Variants in IFT80 observed in about 807,000 individuals in gnomAD.
IFT80 encodes intraflagellar transport 80, also known as intraflagellar transport protein 80 homolog.
Under a neutral mutation model 107.9 loss-of-function variants are expected in IFT80, and 79 were observed. The observed-to-expected ratio is 0.73, with a 90% CI of 0.61 to 0.88. The LOEUF (loss-of-function observed/expected upper bound fraction) is 0.88. IFT80 is among the 40% of genes least tolerant of loss of function. The pLI, the probability that IFT80 is intolerant of heterozygous loss-of-function variation, is 0.00. For synonymous variants in IFT80, 299 were observed against 300.9 expected, an observed-to-expected ratio of 0.99 and a Z score of 0.07; for missense variants, 797 against 914.2, an observed-to-expected ratio of 0.87 and a Z score of 1.65.
chr3:160,385,621 C>A (rs886211536), intron 1 of IFT80, among the ~76,000 whole-genome samples: 1 of 152,230 alleles, frequency 6.6e-6, no homozygotes, highest in Non-Finnish European at 1.5e-5. Flanking sequence ...ACTCTTTTCA[C>A]TTCTTTCTCT....
chr3:160,319,289 T>C (rs1445608028), intron 9 of IFT80, among the ~76,000 whole-genome samples: 1 of 152,074 alleles, frequency 6.6e-6, no homozygotes, highest in Non-Finnish European at 1.5e-5. Flanking sequence ...AAGAACTTCC[T>C]ATACCATTTT....
At chr3:160,397,336 T>C (rs1713855778) in intron 1 of IFT80, among the ~76,000 whole-genome samples, 1 of 152,214 alleles carries the variant, frequency 6.6e-6, no homozygotes. Context: ...ATTCCTTGGC[T>C]CAGAATTGTT....
chr3:160,354,319 T>C (rs1286025453), intron 8 of IFT80, among the ~76,000 whole-genome samples: 1 of 152,046 alleles, frequency 6.6e-6, no homozygotes, highest in Non-Finnish European at 1.5e-5. Flanking sequence ...GAAGGCATGA[T>C]CAAAGGAAGT....
At chr3:160,353,500 G>A (rs899172326) in intron 8 of IFT80, among the ~76,000 whole-genome samples, 2 of 152,142 alleles carry the variant, frequency 1.3e-5, no homozygotes, top group Non-Finnish European at 2.9e-5. Flanking sequence ...TTATCTCCTG[G>A]TATTATGCCA....
At chr3:160,283,576 A>G (rs892114014) in intron 13 of IFT80, among the ~76,000 whole-genome samples, 6 of 152,224 alleles carry the variant, frequency 3.9e-5, no homozygotes, top group African/African-American at 1.4e-4. Context: ...ATTTGGTTTC[A>G]TATATATCAA....
At chr3:160,377,948 T>A (rs186479593) in intron 3 of IFT80, 2 of 154,380 alleles carry the variant, frequency 1.3e-5, no homozygotes, top group East Asian at 3.8e-4. Context: ...TTAATAATCA[T>A]TCGTAAACCA....
intron 15 of IFT80, among the ~76,000 whole-genome samples, chr3:160,280,285 T>C (rs1162726030): frequency 6.6e-6 from 1 of 152,192 alleles, no homozygotes; most frequent in African/African-American, 2.4e-5. Context: ...GACATTTACA[T>C]TCTTGAAAGT....
chr3:160,354,473 C>A (rs1433109220), intron 8 of IFT80, among the ~76,000 whole-genome samples: 4 of 151,840 alleles, frequency 2.6e-5, no homozygotes, highest in Non-Finnish European at 5.9e-5. Flanking sequence ...CACAGTGAAA[C>A]CCCGTCTCCG....
chr3:160,288,595 C>T (rs1236339593), intron 12 of IFT80, among the ~76,000 whole-genome samples: 2 of 151,930 alleles, frequency 1.3e-5, no homozygotes, highest in Non-Finnish European at 2.9e-5. Flanking sequence ...GTGCATCTGA[C>T]AAAAGTCTAA....
In IFT80 at chr3:160,319,675, T is replaced by A. The variant is rs770113647; in HGVS notation, c.957+85A>T. ...GAATTTTTATAAGCTTGACTAAATA[T>A]AATTAATGAAGATAATTCCATATTC... is the stretch of plus-strand genomic sequence containing the variant. On this transcript the variant is annotated intron_variant, in intron 9 of 19. Transcript: ENST00000326448. The A allele has an allele frequency of 2.8e-4, 320 of 1,134,772 alleles. 1 individual carries two copies. The highest frequency in any genetic ancestry group is 3.7e-4 in the Non-Finnish European group (283 of 760,966). 70.3% of individuals were successfully genotyped at this position (1,134,772 alleles called of 1,614,324 possible).
At chr3:160,300,763 T>C (rs1246282182) in intron 12 of IFT80, 120 bp downstream of exon 12, 3 of 762,598 alleles carry the variant, frequency 3.9e-6, no homozygotes, top group East Asian at 2.8e-5. Flanking sequence ...AGAAAGCTCA[T>C]AATTCTTTTT....
chr3:160,345,393 G>C (rs1720214259), intron 8 of IFT80, among the ~76,000 whole-genome samples: 1 of 152,046 alleles, frequency 6.6e-6, no homozygotes, highest in East Asian at 1.9e-4. Context: ...CAAAACAATT[G>C]AACTCATGGA....
At position 160,384,665 on chromosome 3, in the gene IFT80, A is replaced by G; in HGVS notation, c.-46-19T>C. The G allele has an allele frequency of 1.3e-6, 2 of 1,562,888 alleles. No individual in the cohort carries two copies. The highest frequency in any genetic ancestry group is 4.5e-5 in the East Asian group (2 of 44,300). Reference sequence around the variant, plus strand: ...GTATTTACTGTAAAAATAAAAGGAGAGAAAATATAAAGTCAGCATTAAAAA... The same window carrying G: ...GTATTTACTGTAAAAATAAAAGGAGGGAAAATATAAAGTCAGCATTAAAAA... On this transcript the variant is annotated intron_variant, in intron 1 of 19. Coordinates refer to ENST00000326448, the MANE Select transcript of IFT80 (RefSeq NM_020800.3).
chr3:160,270,849 A>G (rs974877640), intron 18 of IFT80, among the ~76,000 whole-genome samples: 1 of 152,040 alleles, frequency 6.6e-6, no homozygotes, highest in African/African-American at 2.4e-5. Flanking sequence ...TTCTTTCTTT[A>G]TGATTGTACA....
At chr3:160,324,492 T>C (rs549575454) in intron 8 of IFT80, among the ~76,000 whole-genome samples, 1 of 152,056 alleles carries the variant, frequency 6.6e-6, no homozygotes, top group African/African-American at 2.4e-5. Context: ...AATCAATAAA[T>C]GTAATCCAGC....
intron 3 of IFT80, among the ~76,000 whole-genome samples, 175 bp downstream of exon 3, chr3:160,381,328 A>T (rs1480900656): frequency 6.7e-6 from 1 of 149,252 alleles, no homozygotes; most frequent in East Asian, 1.9e-4. Context: ...CTTCCATGAC[A>T]ATAATTTCAT....
At chr3:160,391,969 G>T (rs149425619) in intron 1 of IFT80, among the ~76,000 whole-genome samples, 655 of 152,332 alleles carry the variant, frequency 4.3e-3, no homozygotes, top group Non-Finnish European at 6.6e-3. Context: ...TGACACAGTA[G>T]TCCCAAATGT....
chr3:160,294,118 C>T (rs926405347), intron 12 of IFT80, among the ~76,000 whole-genome samples: 6 of 152,186 alleles, frequency 3.9e-5, no homozygotes, highest in African/African-American at 7.2e-5. Context: ...AAATTTTTAG[C>T]CAGTTGGTCA....
At chr3:160,314,337 C>T (rs929962320) in intron 9 of IFT80, among the ~76,000 whole-genome samples, 3 of 152,254 alleles carry the variant, frequency 2.0e-5, no homozygotes, top group South Asian at 4.1e-4. Context: ...TGTACCTGCA[C>T]GCTTTCCCTC....
Sources: allele counts gnomAD v4.1 joint callset (sites outside exome capture counted in the v4.1 genomes callset), GRCh38; gene constraint gnomAD v4.1.1; transcripts MANE v1.5; gene names NCBI Gene and HGNC (gene_info 2026-07-23, HGNC 2026-07-21).